ARFIP1: variants seen among roughly 807,000 people sequenced by gnomAD.
The protein encoded by ARFIP1 is ARF interacting protein 1, also known as arfaptin-1.
ARFIP1 carries 24 observed loss-of-function variants against 42.5 expected under a neutral mutation model. The ratio of observed to expected loss-of-function variants is 0.57; its 90% confidence interval spans 0.41 to 0.80. ARFIP1 has a LOEUF of 0.80. Among genes scored for constraint, ARFIP1 ranks in the 30% least tolerant of loss-of-function variants. The probability of loss-of-function intolerance (pLI) is 0.00; values close to 1 mark genes in which losing one functional copy is unlikely to be tolerated. For synonymous variants in ARFIP1, 141 were observed against 153.7 expected (o/e 0.92, Z 0.61); for missense variants, 354 against 434.0 (o/e 0.82, Z 1.64).
chr4:152,910,312 G>A lies in ARFIP1; in HGVS notation c.*93G>A. 3 of 1,399,182 alleles carry A rather than the reference G, an allele frequency of 2.1e-6. No individual in the cohort carries two copies. The highest frequency in any genetic ancestry group is 2.9e-6 in the Non-Finnish European group (3 of 1,032,380). The allele number at this position is 1,399,182 out of a possible 1,614,324, so 86.7% of individuals were successfully genotyped here. On this transcript the variant is annotated 3_prime_UTR_variant, in exon 9 of 9. Coordinates refer to ENST00000353617, the MANE Select transcript of ARFIP1 (RefSeq NM_001025595.3). ...CAGAGTTGGGGGAAGTGGGAGGGGT[G>A]ACAAGCATTATAGTGATTCTTGCAC... is the stretch of plus-strand genomic sequence containing the variant.
At chr4:152,884,489 C>G (rs1736110215) in intron 7 of ARFIP1, among the ~76,000 whole-genome samples, 1 of 151,506 alleles carries the variant, frequency 6.6e-6, no homozygotes, top group Non-Finnish European at 1.5e-5. Flanking sequence ...ATTTTCTAGT[C>G]CTTCTGATTG....
intron 1 of ARFIP1, among the ~76,000 whole-genome samples, chr4:152,823,487 GATA>G (rs1048927113): frequency 1.3e-4 from 20 of 152,138 alleles, no homozygotes; most frequent in African/African-American, 4.6e-4. Flanking sequence ...TCAAAGAAAT[GATA>G]CCAGTTCTGG....
chr4:152,806,800 C>CT (rs33959288), intron 1 of ARFIP1, among the ~76,000 whole-genome samples: 7 of 149,416 alleles, frequency 4.7e-5, no homozygotes, highest in Admixed American at 2.0e-4. Context: ...TTGTGCCTGA[C>CT]TTTTTTTTTT....
rs915675479 is a variant in ARFIP1, at chr4:152,803,571, C to G, written c.-10+23345C>G. 1.4e-4 allele frequency among the ~76,000 whole-genome samples: 21 copies of G among 152,190 alleles called. No homozygotes were observed. The East Asian group carries it at 4.1e-3, about 29-fold the overall frequency. On this transcript the variant is annotated intron_variant, in intron 1 of 8. Coordinates refer to ENST00000353617, the MANE Select transcript of ARFIP1 (RefSeq NM_001025595.3). ...TGTCAAAATCCACCCCCAACATCCC[C>G]AGTTTGAAAACCACTGAGCTGTCAT...
chr4:152,832,645 CTT>C (rs1254817498), intron 2 of ARFIP1, among the ~76,000 whole-genome samples: 1 of 152,100 alleles, frequency 6.6e-6, no homozygotes, highest in Non-Finnish European at 1.5e-5. Context: ...TTTAAGAAAT[CTT>C]TGCCTACTTC....
At chr4:152,905,744 G>C (rs1478631802) in intron 8 of ARFIP1, among the ~76,000 whole-genome samples, 1 of 151,398 alleles carries the variant, frequency 6.6e-6, no homozygotes, top group Non-Finnish European at 1.5e-5. Context: ...GTAGAGACAG[G>C]ATTTCATCAT....
chr4:152,816,285 C>T (rs1254124532), intron 1 of ARFIP1, among the ~76,000 whole-genome samples: 5 of 152,174 alleles, frequency 3.3e-5, no homozygotes, highest in Non-Finnish European at 7.3e-5. Flanking sequence ...CCAGAGTTCT[C>T]GTGATAATTT....
chr4:152,810,080 G>A (rs1729327770), intron 1 of ARFIP1: 1 of 152,178 alleles, frequency 6.6e-6, no homozygotes, highest in Non-Finnish European at 1.5e-5. Flanking sequence ...TGGTATGCAG[G>A]TTTGGTACAT....
At chr4:152,781,703 T>C (rs1169807956) in intron 1 of ARFIP1, among the ~76,000 whole-genome samples, 2 of 152,266 alleles carry the variant, frequency 1.3e-5, no homozygotes, top group African/African-American at 4.8e-5. Context: ...AACACACTTT[T>C]ATCTGAGAAA....
intron 1 of ARFIP1, among the ~76,000 whole-genome samples, chr4:152,788,652 T>A (rs1261144744): frequency 6.6e-6 from 1 of 152,108 alleles, no homozygotes; most frequent in African/African-American, 2.4e-5. Flanking sequence ...CGGTACTCCA[T>A]CCTGGATGAC....
chr4:152,900,356 A>G (rs1057054160), intron 8 of ARFIP1, among the ~76,000 whole-genome samples: 3 of 152,146 alleles, frequency 2.0e-5, no homozygotes, highest in Admixed American at 6.5e-5. Context: ...TCTATAGGTA[A>G]TGTTTCATCA....
intron 8 of ARFIP1, among the ~76,000 whole-genome samples, chr4:152,891,855 G>A (rs62319948): frequency 0.027 from 4,101 of 151,906 alleles, 100 homozygotes; most frequent in South Asian, 0.11. Context: ...TTACAGGTGC[G>A]TGCCATCATG....
chr4:152,811,473 T>C (rs1333651443), intron 1 of ARFIP1, among the ~76,000 whole-genome samples: 2 of 152,194 alleles, frequency 1.3e-5, no homozygotes, highest in African/African-American at 4.8e-5. Context: ...TTACTAGATA[T>C]TGAAGTTGGA....
rs191253674 is a variant in ARFIP1, at chr4:152,859,787, G to T, written c.94-3819G>T. On this transcript the variant is annotated intron_variant, in intron 2 of 8. Transcript: ENST00000353617. ...CAGAAACTCTATTTCTACTAAAGGT[G>T]TCGTTTTATAAATTTTAAAACAGAT... Among the ~76,000 whole-genome samples, 479 of 150,560 alleles carry T rather than the reference G, an allele frequency of 3.2e-3. 2 individuals carry two copies. Among genetic ancestry groups the T allele is most frequent in the Non-Finnish European group, 4.5e-3 (307 of 67,704 alleles).
chr4:152,901,768 A>T (rs772315205), intron 8 of ARFIP1, among the ~76,000 whole-genome samples: 2 of 152,214 alleles, frequency 1.3e-5, no homozygotes, highest in Non-Finnish European at 2.9e-5. Flanking sequence ...CTACTCTGTA[A>T]ATATGGGAAG....
intron 1 of ARFIP1, among the ~76,000 whole-genome samples, chr4:152,815,311 T>C (rs1437268457): frequency 6.6e-6 from 1 of 152,198 alleles, no homozygotes; most frequent in Non-Finnish European, 1.5e-5. Flanking sequence ...AGAGACCTTA[T>C]GGCCCACAGA....
At chr4:152,851,908 G>A (rs1308984372) in intron 2 of ARFIP1, among the ~76,000 whole-genome samples, 2 of 152,122 alleles carry the variant, frequency 1.3e-5, no homozygotes, top group South Asian at 2.1e-4. Flanking sequence ...AAATGGAGAC[G>A]TTATTTTTCA....
chr4:152,832,722 G>C (rs1731347186), intron 2 of ARFIP1, among the ~76,000 whole-genome samples: 1 of 152,176 alleles, frequency 6.6e-6, no homozygotes, highest in African/African-American at 2.4e-5. Flanking sequence ...ACTATGGTCT[G>C]TGATTCATCT....
At chr4:152,786,832 A>G (rs1730837765) in intron 1 of ARFIP1, among the ~76,000 whole-genome samples, 1 of 152,036 alleles carries the variant, frequency 6.6e-6, no homozygotes, top group Non-Finnish European at 1.5e-5. Flanking sequence ...GCTCCCTGCC[A>G]TTTTTGCAAG....
Sources: allele counts gnomAD v4.1 joint callset (sites outside exome capture counted in the v4.1 genomes callset), GRCh38; gene constraint gnomAD v4.1.1; transcripts MANE v1.5; gene names NCBI Gene and HGNC (gene_info 2026-07-23, HGNC 2026-07-21).